The following CATSPER4 variants were observed in gnomAD, a reference collection of about 807,000 sequenced individuals.
CATSPER4 encodes the protein cation channel sperm-associated protein 4.
CATSPER4 carries 46 observed loss-of-function variants against 54.4 expected under a neutral mutation model. The observed-to-expected ratio is 0.84, with a 90% confidence interval of 0.67 to 1.08. CATSPER4 has a LOEUF of 1.08. Among genes scored for constraint, CATSPER4 ranks in the 50% least tolerant of loss-of-function variants. CATSPER4 has a pLI of 0.00. For synonymous variants in CATSPER4, 230 were observed against 231.9 expected (o/e 0.99, Z 0.08); for missense variants, 574 against 612.8 (o/e 0.94, Z 0.67).
intron 8 of CATSPER4, 35 bp from the exon 9 acceptor site, chr1:26,201,319 G>T: frequency 6.2e-7 from 1 of 1,609,496 alleles, no homozygotes; most frequent in Non-Finnish European, 8.5e-7. Context: ...CCTCCCCTGA[G>T]GCCTTCTGAA....
Position 26,200,958 on chromosome 1 carries a change from C to G in CATSPER4, c.1116C>G (p.Asn372Lys). Residue 372 changes from asparagine (N) to lysine (K), a missense_variant, in exon 8 of 10, where the codon AAC becomes AAG. Coordinates refer to ENST00000456354, the MANE Select transcript of CATSPER4 (RefSeq NM_198137.2). ...GCCCCCTGTCGAACCTCTCAGAAAA[C>G]ACGTGTGACAACTTTTGCTTGGTGC... The part of the protein sequence containing the change: ...AGGPLSNLSE[N>K]TCDNFCLVLE... The G allele has an allele frequency of 6.2e-7, 1 of 1,614,156 alleles. No homozygotes were observed. The highest frequency in any genetic ancestry group is 8.5e-7 in the Non-Finnish European group (1 of 1,180,026).
intron 8 of CATSPER4, 88 bp from the exon 9 acceptor site, chr1:26,201,266 C>A: frequency 7.0e-7 from 1 of 1,419,160 alleles, no homozygotes; most frequent in Non-Finnish European, 9.9e-7. Context: ...CGTGGGAGAG[C>A]GAAGCGGGGG....
chr1:26,192,589 CA>C (rs201920069), intron 2 of CATSPER4, among the ~76,000 whole-genome samples: 3 of 68,490 alleles, frequency 4.4e-5, no homozygotes, highest in South Asian at 2.7e-4. Flanking sequence ...GACTCTATCT[CA>C]AAAAAAAAAT....
chr1:26,200,513 G>C (rs935690870), intron 7 of CATSPER4, among the ~76,000 whole-genome samples: 1 of 152,104 alleles, frequency 6.6e-6, no homozygotes, highest in Admixed American at 6.5e-5. Flanking sequence ...TTCTAAAAGA[G>C]TGGAGTGCTG....
Position 26,200,032 on chromosome 1 carries a change from C to G in CATSPER4, c.961C>G (p.Gln321Glu), listed in dbSNP as rs2088989571. The change falls in exon 7 of 10, where the codon CAA (glutamine) becomes GAA (glutamate). Residue 321 changes from glutamine to glutamate, a missense_variant. Coordinates refer to ENST00000456354, the MANE Select transcript of CATSPER4 (RefSeq NM_198137.2). ...AATGATGAAGGCAGGAGAGCAGGGA[C>G]AACAGCAACGAATAACCTTTAGTGA... ...EQMMKAGEQG[Q>E]QQRITFSETG... 4 of 1,613,616 alleles carry G rather than the reference C, an allele frequency of 2.5e-6. No homozygotes were observed. The highest frequency in any genetic ancestry group is 2.5e-6 in the Non-Finnish European group (3 of 1,179,826).
chr1:26,198,312 C>A lies in CATSPER4; in HGVS notation c.705C>A (p.Leu235=). 6.2e-7 allele frequency: 1 copy of A among 1,614,214 alleles called. No individual in the cohort carries two copies. Among genetic ancestry groups the A allele is most frequent in the Non-Finnish European group, 8.5e-7 (1 of 1,180,030 alleles). Residue 235 remains leucine, a synonymous_variant, in exon 6 of 10, where the codon CTC becomes CTA. Transcript: ENST00000456354. The part of the protein sequence containing the change: ...MLVFSVFGVT[L]FGAFVPKHFQ... ...TTTTTTCCGTGTTTGGAGTAACACT[C>A]TTTGGTGCATTCGTGCCCAAGCATT...
intron 3 of CATSPER4, 94 bp downstream of exon 3, chr1:26,193,982 G>A (rs2088905489): frequency 2.4e-6 from 2 of 847,270 alleles, no homozygotes; most frequent in Admixed American, 3.4e-5. Flanking sequence ...CTGAGGGTGT[G>A]AGTATGTGTG....
intron 7 of CATSPER4, 40 bp from the exon 8 acceptor site, chr1:26,200,790 C>T: frequency 6.5e-7 from 1 of 1,541,338 alleles, no homozygotes; most frequent in Non-Finnish European, 9.0e-7. Context: ...GGCGTGCCTG[C>T]CTGAGCTGTC....
At chr1:26,197,141 C>T (rs1230082496) in intron 3 of CATSPER4, among the ~76,000 whole-genome samples, 1 of 151,958 alleles carries the variant, frequency 6.6e-6, no homozygotes, top group East Asian at 1.9e-4. Context: ...CTCCTGACAT[C>T]GTGATCCACC....
chr1:26,200,443 G>A (rs1225498617), intron 7 of CATSPER4, among the ~76,000 whole-genome samples: 1 of 152,108 alleles, frequency 6.6e-6, no homozygotes, highest in Admixed American at 6.5e-5. Flanking sequence ...ATAAATGTTA[G>A]CTACGGTATT....
At chr1:26,193,979 TGTGA>T (rs2088905435) in intron 3 of CATSPER4, 91 bp downstream of exon 3, 8 of 846,070 alleles carry the variant, frequency 9.5e-6, no homozygotes, top group Non-Finnish European at 1.7e-5. Context: ...AAACTGAGGG[TGTGA>T]GTATGTGTGT....
At chr1:26,199,369 TTGCGG>T (rs1391583620) in intron 6 of CATSPER4, among the ~76,000 whole-genome samples, 1 of 150,422 alleles carries the variant, frequency 6.6e-6, no homozygotes. Context: ...GAGGCGGAGG[TTGCGG>T]TGAACCCATA....
At position 26,198,089 on chromosome 1, in the gene CATSPER4, C is replaced by T. The variant is rs1473106344; in HGVS notation, c.678+12C>T. The T allele has an allele frequency of 1.4e-5, 23 of 1,614,018 alleles. No homozygotes were observed. Among genetic ancestry groups the T allele is most frequent in the Non-Finnish European group, 4.2e-6 (5 of 1,180,004 alleles). On this transcript the variant is annotated intron_variant, in intron 5 of 9. Coordinates refer to ENST00000456354, the MANE Select transcript of CATSPER4 (RefSeq NM_198137.2). ...TCTTCTTCATGCTGGTCAGTGCCTG[C>T]CCCCGCCCCCAGCTGTTTCCCTTCC...
At chr1:26,200,416 C>T (rs923144841) in intron 7 of CATSPER4, among the ~76,000 whole-genome samples, 2 of 151,966 alleles carry the variant, frequency 1.3e-5, no homozygotes, top group Non-Finnish European at 2.9e-5. Context: ...CAGTGCTTGG[C>T]GCATAGTAAG....
At position 26,202,536 on chromosome 1, in the gene CATSPER4, C is replaced by T; in HGVS notation, c.1413C>T (p.Ser471=). The T allele has an allele frequency of 6.2e-7, 1 of 1,610,634 alleles. No individual in the cohort carries two copies. The highest frequency in any genetic ancestry group is 8.5e-7 in the Non-Finnish European group (1 of 1,178,266). Residue 471 remains serine (S), a synonymous_variant, in exon 10 of 10, where the codon AGC becomes AGT. Transcript: ENST00000456354. ...SQILLKKHKS[S]H is the part of the protein sequence containing the mutation. ...TACTCCTTAAAAAACACAAGAGCAGCCACTGAGAGGCCAGGATGGGAGCCA... is the reference window on the plus strand; with the variant it reads ...TACTCCTTAAAAAACACAAGAGCAGTCACTGAGAGGCCAGGATGGGAGCCA...
intron 1 of CATSPER4, 47 bp downstream of exon 1, chr1:26,190,887 C>T (rs1256140765): frequency 6.5e-7 from 1 of 1,531,388 alleles, no homozygotes; most frequent in South Asian, 1.2e-5. Flanking sequence ...CAGCTGTGCT[C>T]ATGGGCAGCA....
At chr1:26,201,252 G>A in intron 8 of CATSPER4, 102 bp from the exon 9 acceptor site, 2 of 1,303,002 alleles carry the variant, frequency 1.5e-6, no homozygotes, top group Non-Finnish European at 1.1e-6. Context: ...CTCTGTCAGG[G>A]CTGCGTGGGA....
At chr1:26,198,121 A>G (rs200696714) in intron 5 of CATSPER4, 44 bp downstream of exon 5, 1 of 1,614,062 alleles carries the variant, frequency 6.2e-7, no homozygotes, top group East Asian at 2.2e-5. Flanking sequence ...TTCCCTGAAC[A>G]GGGCCCTTGG....
rs1036106144 is a variant in CATSPER4 at position 26,202,890 on chromosome 1, C to T, written c.*348C>T. The T allele has an allele frequency of 5.3e-5, 20 of 375,568 alleles. No individual in the cohort carries two copies. Among genetic ancestry groups the T allele is most frequent in the Non-Finnish European group, 9.9e-5 (20 of 202,918 alleles). The allele number at this position is 375,568 out of a possible 1,614,324, so 23.3% of individuals were successfully genotyped here. A position where few individuals can be genotyped will look rare whatever the true frequency, so the allele number is the denominator to read the frequency against. ...AGCTGGTGGGGGGCCTCAGTGGGCC[C>T]CAGAACCAAGAAGAGAAAGGCAAGG... On this transcript the variant is annotated 3_prime_UTR_variant, in exon 10 of 10. Coordinates refer to ENST00000456354, the MANE Select transcript of CATSPER4 (RefSeq NM_198137.2).
Sources: allele counts gnomAD v4.1 joint callset (sites outside exome capture counted in the v4.1 genomes callset), GRCh38; gene constraint gnomAD v4.1.1; transcripts MANE v1.5; gene names NCBI Gene and HGNC (gene_info 2026-07-23, HGNC 2026-07-21).